Variants in HUNK observed in about 807,000 individuals in gnomAD.
HUNK encodes hormonally up-regulated neu tumor-associated kinase.
A neutral mutation model predicts 61.0 loss-of-function variants in HUNK; 21 were observed. The observed-to-expected ratio is 0.34, with a 90% CI of 0.24 to 0.50. The LOEUF (loss-of-function observed/expected upper bound fraction) is 0.50, where lower values mean the gene tolerates loss of function less well. Among genes scored for constraint, HUNK ranks in the 20% least tolerant of loss-of-function variants. The probability of loss-of-function intolerance (pLI) is 0.98; values close to 1 mark genes in which losing one functional copy is unlikely to be tolerated. For synonymous variants in HUNK, 371 were observed against 386.1 expected (o/e 0.96, Z 0.46); for missense variants, 772 against 945.7 (o/e 0.82, Z 2.41).
intron 9 of HUNK, among the ~76,000 whole-genome samples, chr21:31,992,151 G>A (rs998397622): frequency 6.6e-6 from 1 of 152,140 alleles, no homozygotes; most frequent in East Asian, 1.9e-4. Flanking sequence ...AGAAGGGGGC[G>A]CTATGGGTCT....
intron 4 of HUNK, among the ~76,000 whole-genome samples, chr21:31,955,281 A>G (rs1261770353): frequency 2.7e-5 from 4 of 146,072 alleles, no homozygotes; most frequent in Non-Finnish European, 6.0e-5. Context: ...TGGCAAAAAT[A>G]GTGCATTGAT....
chr21:31,975,330 C>T (rs952140674), intron 7 of HUNK, among the ~76,000 whole-genome samples: 2 of 152,142 alleles, frequency 1.3e-5, no homozygotes, highest in Non-Finnish European at 2.9e-5. Flanking sequence ...TCATTTTTGC[C>T]ACAAGCAGTT....
intron 1 of HUNK, among the ~76,000 whole-genome samples, chr21:31,892,638 A>ACT (rs935749036): frequency 6.6e-6 from 1 of 151,908 alleles, no homozygotes; most frequent in Non-Finnish European, 1.5e-5. Context: ...CTTCATTTAG[A>ACT]CTTTCATAGT....
chr21:31,890,431 G>A (rs1483733529), intron 1 of HUNK, among the ~76,000 whole-genome samples: 1 of 152,146 alleles, frequency 6.6e-6, no homozygotes, highest in East Asian at 1.9e-4. Context: ...ATTTCACCAT[G>A]TTGGTCAGGC....
At chr21:31,980,585 G>T (rs2053090387) in intron 7 of HUNK, among the ~76,000 whole-genome samples, 2 of 151,860 alleles carry the variant, frequency 1.3e-5, no homozygotes, top group African/African-American at 4.8e-5. Flanking sequence ...GTTTAGTAGA[G>T]ATGGGGTTTC....
rs555902275 is a variant in HUNK, at chr21:31,937,395, T to A, written c.555-2770T>A. 7.2e-5 allele frequency among the ~76,000 whole-genome samples: 11 copies of A among 152,334 alleles called. No individual in the cohort carries two copies. The South Asian group carries it at 1.9e-3, about 26-fold the overall frequency. On this transcript the variant is annotated intron_variant, in intron 2 of 10. Transcript: ENST00000270112. ...AATAACTTCTAGAGATACGGCCTCTTGATTGTGAGAGTTTGAGAGACCAGT... is the reference window on the plus strand; with the variant it reads ...AATAACTTCTAGAGATACGGCCTCTAGATTGTGAGAGTTTGAGAGACCAGT...
chr21:31,996,224 G>T (rs1351299799), intron 10 of HUNK, among the ~76,000 whole-genome samples: 1 of 152,230 alleles, frequency 6.6e-6, no homozygotes, highest in Non-Finnish European at 1.5e-5. Context: ...CAGAACAGAG[G>T]TTGGGAGGCA....
At chr21:31,948,257 C>T (rs2052823583) in intron 4 of HUNK, among the ~76,000 whole-genome samples, 1 of 152,258 alleles carries the variant, frequency 6.6e-6, no homozygotes, top group South Asian at 2.1e-4. Context: ...CTCTCCCCAT[C>T]CATTCTCTGG....
intron 10 of HUNK, 120 bp from the exon 11 acceptor site, chr21:31,998,406 G>A (rs2123262362): frequency 1.1e-6 from 1 of 922,056 alleles, no homozygotes; most frequent in Non-Finnish European, 1.6e-6. Context: ...TTTGCCGGTT[G>A]GTTTCTTCTG....
chr21:31,955,586 G>C (rs1035022502), intron 4 of HUNK, among the ~76,000 whole-genome samples: 1 of 152,172 alleles, frequency 6.6e-6, no homozygotes, highest in African/African-American at 2.4e-5. Context: ...GCGAGACTCC[G>C]TCTCAAAAAA....
chr21:31,943,733 T>G (rs2052784009), intron 3 of HUNK, among the ~76,000 whole-genome samples: 2 of 151,972 alleles, frequency 1.3e-5, no homozygotes, highest in Admixed American at 6.6e-5. Context: ...TGGCCTCTTA[T>G]CTCTCTCTCT....
At chr21:31,877,453 T>A (rs1430639077) in intron 1 of HUNK, among the ~76,000 whole-genome samples, 1 of 152,218 alleles carries the variant, frequency 6.6e-6, no homozygotes, top group African/African-American at 2.4e-5. Flanking sequence ...TCCTCTGAAG[T>A]TGTTTGTTTA....
At chr21:31,936,265 G>GT (rs2052732898) in intron 2 of HUNK, among the ~76,000 whole-genome samples, 1 of 152,146 alleles carries the variant, frequency 6.6e-6, no homozygotes, top group Non-Finnish European at 1.5e-5. Context: ...TAAATACCTA[G>GT]GTAAAAGCTA....
chr21:31,960,511 C>A (rs906858454), intron 5 of HUNK, among the ~76,000 whole-genome samples: 1 of 151,932 alleles, frequency 6.6e-6, no homozygotes. Context: ...CTAGTCCATT[C>A]TCATGCTGCT....
Position 32,000,083 on chromosome 21 carries a change from G to A in HUNK, c.*899G>A. 1 of 398,060 alleles carries A rather than the reference G, an allele frequency of 2.5e-6. No homozygotes were observed. The highest frequency in any genetic ancestry group is 4.4e-6 in the Non-Finnish European group (1 of 226,008). 24.7% of individuals were successfully genotyped at this position (398,060 alleles called of 1,614,324 possible). A position where few individuals can be genotyped will look rare whatever the true frequency, so the allele number is the denominator to read the frequency against. ...GCCCTGTGTTCATCCTGTTGTTTAA[G>A]GCATAGCCCTGATCCTTCTGGAAGG... On this transcript the variant is annotated 3_prime_UTR_variant, in exon 11 of 11. Transcript: ENST00000270112.
At chr21:31,994,203 C>T (rs116069599) in intron 9 of HUNK, among the ~76,000 whole-genome samples, 2,210 of 152,280 alleles carry the variant, frequency 0.015, 45 homozygotes, top group African/African-American at 0.051. Context: ...GAAGCTTTGC[C>T]TCTCCTGTCT....
At chr21:31,960,991 T>C (rs1042817533) in intron 5 of HUNK, among the ~76,000 whole-genome samples, 4 of 152,196 alleles carry the variant, frequency 2.6e-5, no homozygotes, top group African/African-American at 9.7e-5. Flanking sequence ...ATTAGTTCTA[T>C]AGAGTTTTTT....
In HUNK at chr21:31,933,859, T is replaced by C. The variant is rs559722696; in HGVS notation, c.555-6306T>C. Among the ~76,000 whole-genome samples the C allele has an allele frequency of 1.3e-4, 20 of 151,726 alleles. 1 individual carries two copies. The South Asian group carries it at 4.2e-3, about 32-fold the overall frequency. ...GGGGGAGCTCTTCAGACGGCAGGACTGAAGGAAGATCCTCCCACTTCCCTC... is the reference window on the plus strand; with the variant it reads ...GGGGGAGCTCTTCAGACGGCAGGACCGAAGGAAGATCCTCCCACTTCCCTC... On this transcript the variant is annotated intron_variant, in intron 2 of 10. Transcript: ENST00000270112.
At chr21:31,941,635 A>G (rs2052769476) in intron 3 of HUNK, among the ~76,000 whole-genome samples, 1 of 152,070 alleles carries the variant, frequency 6.6e-6, no homozygotes, top group African/African-American at 2.4e-5. Context: ...TTGTTTTACT[A>G]TTGCATTTTA....
Sources: allele counts gnomAD v4.1 joint callset (sites outside exome capture counted in the v4.1 genomes callset), GRCh38; gene constraint gnomAD v4.1.1; transcripts MANE v1.5; gene names NCBI Gene and HGNC (gene_info 2026-07-23, HGNC 2026-07-21).